SMARCA4: variants seen among roughly 807,000 people sequenced by gnomAD.
SMARCA4 encodes SWI/SNF-related matrix-associated actin-dependent regulator of chromatin subfamily A member 4.
SMARCA4 carries 31 observed loss-of-function variants against 193.9 expected under a neutral mutation model. The observed-to-expected ratio is 0.16, with a 90% CI of 0.12 to 0.22. SMARCA4 has a LOEUF of 0.22. SMARCA4 is among the 10% of genes least tolerant of loss of function. SMARCA4 has a pLI of 1.00. For synonymous variants in SMARCA4, 942 were observed against 933.1 expected, an observed-to-expected ratio of 1.01 and a Z score of -0.17; for missense variants, 1,148 against 2,296.0, an observed-to-expected ratio of 0.50 and a Z score of 10.22.
chr19:11,045,871 C>G (rs1431554477), intron 30 of SMARCA4, among the ~76,000 whole-genome samples: 2 of 151,958 alleles, frequency 1.3e-5, no homozygotes. Context: ...TCACTTGAGC[C>G]CAGGAGTTCA....
rs762320861 is a variant in SMARCA4 at position 11,026,363 on chromosome 19, C to T, written c.3215+17C>T. On this transcript the variant is annotated intron_variant, in intron 23 of 34. Transcript: ENST00000344626. Reference sequence around the variant, plus strand: ...TGTCCAAGGGTGAGAAGCTTCCCAACTGGATGGGGTGGGCAGGTGGTCCAC... The same window carrying T: ...TGTCCAAGGGTGAGAAGCTTCCCAATTGGATGGGGTGGGCAGGTGGTCCAC... The T allele has an allele frequency of 6.2e-7, 1 of 1,610,344 alleles. No individual in the cohort carries two copies. The highest frequency in any genetic ancestry group is 8.5e-7 in the Non-Finnish European group (1 of 1,176,680).
At chr19:11,022,064 GT>G in intron 19 of SMARCA4, 97 bp downstream of exon 19, 1 of 1,561,312 alleles carries the variant, frequency 6.4e-7, no homozygotes, top group Non-Finnish European at 8.8e-7. Flanking sequence ...GGCTGGGCCT[GT>G]GCTGGGTGCC....
chr19:10,992,113 CTTTT>C (rs545950698), intron 8 of SMARCA4, among the ~76,000 whole-genome samples: 1 of 142,114 alleles, frequency 7.0e-6, no homozygotes, highest in Non-Finnish European at 1.5e-5. Context: ...TCTCTGTTAA[CTTTT>C]TTTTTTTTTT....
At chr19:10,970,465 G>C (rs766098740) in intron 1 of SMARCA4, among the ~76,000 whole-genome samples, 21 of 152,202 alleles carry the variant, frequency 1.4e-4, no homozygotes, top group Non-Finnish European at 2.9e-4. Flanking sequence ...TCTCACCCAG[G>C]CTGGAGTGCA....
intron 29 of SMARCA4, chr19:11,039,372 C>A (rs999293948): frequency 1.4e-6 from 1 of 701,796 alleles, no homozygotes; most frequent in Non-Finnish European, 2.4e-6. Context: ...AGGGAAATGA[C>A]CTAAATGCCC....
intron 1 of SMARCA4, among the ~76,000 whole-genome samples, chr19:10,972,739 G>A (rs920781549): frequency 2.0e-5 from 3 of 152,192 alleles, no homozygotes; most frequent in African/African-American, 7.2e-5. Flanking sequence ...CACGCTCAGT[G>A]TTGCGTATAT....
chr19:11,060,023 T>A (rs774270771), intron 33 of SMARCA4, 22 bp from the exon 34 acceptor site: 1 of 1,587,408 alleles, frequency 6.3e-7, no homozygotes, highest in African/African-American at 1.3e-5. Flanking sequence ...CAAGGCTGTC[T>A]TTCCCTCCCG....
chr19:10,962,532 G>T (rs1482854634), intron 1 of SMARCA4, among the ~76,000 whole-genome samples: 1 of 152,060 alleles, frequency 6.6e-6, no homozygotes, highest in African/African-American at 2.4e-5. Flanking sequence ...TCAAAATCAG[G>T]GAGGGTGTGT....
In SMARCA4 at chr19:11,038,992, G is replaced by C. The variant is rs936427508; in HGVS notation, c.4171-2315G>C. On this transcript the variant is annotated intron_variant, in intron 29 of 34. Coordinates refer to ENST00000344626, the MANE Select transcript of SMARCA4 (RefSeq NM_003072.5). ...TCCCAGCACTTGGAGAAGCCAAAGC[G>C]GGGGGATCATTTCAGCTCAGGAGTT... Among the ~76,000 whole-genome samples the C allele has an allele frequency of 3.3e-5, 5 of 152,172 alleles. No individual in the cohort carries two copies. The South Asian group carries it at 1.0e-3, about 32-fold the overall frequency.
At chr19:11,046,439 C>G (rs573295679) in intron 30 of SMARCA4, among the ~76,000 whole-genome samples, 3 of 152,280 alleles carry the variant, frequency 2.0e-5, no homozygotes, top group Non-Finnish European at 2.9e-5. Context: ...TTCAATTTAA[C>G]CTCACATCTT....
At chr19:11,060,220 C>T (rs1392870137) in intron 34 of SMARCA4, 33 bp downstream of exon 34, 14 of 1,549,630 alleles carry the variant, frequency 9.0e-6, no homozygotes, top group Non-Finnish European at 1.2e-5. Flanking sequence ...GCAGAGCTGG[C>T]ATGTGGCAGG....
intron 1 of SMARCA4, chr19:10,965,445 G>T (rs1362665522): frequency 1.3e-5 from 2 of 152,252 alleles, no homozygotes; most frequent in African/African-American, 4.8e-5. Flanking sequence ...GGATGACACA[G>T]ATAATATACT....
At chr19:11,060,295 G>A (rs2147131792) in intron 34 of SMARCA4, 108 bp downstream of exon 34, 1 of 1,380,882 alleles carries the variant, frequency 7.2e-7, no homozygotes, top group South Asian at 1.3e-5. Context: ...CACGCTGCAG[G>A]TGGGAAAGCT....
intron 30 of SMARCA4, among the ~76,000 whole-genome samples, chr19:11,053,701 G>A (rs2076390239): frequency 6.6e-6 from 1 of 151,528 alleles, no homozygotes; most frequent in Non-Finnish European, 1.5e-5. Context: ...CTTGAGCCCA[G>A]GAGTTTGAGA....
chr19:10,972,780 G>T (rs2084782869), intron 1 of SMARCA4, among the ~76,000 whole-genome samples: 2 of 152,196 alleles, frequency 1.3e-5, no homozygotes, highest in South Asian at 4.1e-4. Context: ...CGGTGGTGGC[G>T]CAGGACATCC....
intron 30 of SMARCA4, among the ~76,000 whole-genome samples, chr19:11,053,226 A>G (rs892733126): frequency 2.0e-5 from 3 of 152,050 alleles, no homozygotes; most frequent in South Asian, 2.1e-4. Context: ...GCTCATGCCT[A>G]TAATCCCAGC....
chr19:11,000,497 A>G (rs1369688561), intron 11 of SMARCA4, among the ~76,000 whole-genome samples: 1 of 152,124 alleles, frequency 6.6e-6, no homozygotes, highest in East Asian at 1.9e-4. Flanking sequence ...ACTGCATTCC[A>G]GCCTGGGGAG....
At position 11,034,347 on chromosome 19, in the gene SMARCA4, G is replaced by T. The variant is rs1289851647; in HGVS notation, c.3951+147G>T. ...ACAGTGCAGCCCACTCCCACCTCCA[G>T]ACTGACCCGTCTTCCACCCCCAGTC... On this transcript the variant is annotated intron_variant, in intron 28 of 34. Transcript: ENST00000344626. The surrounding 1 kb of genome is among the most constrained non-coding windows in gnomAD (Gnocchi z 7.0). The T allele has an allele frequency of 1.4e-6, 1 of 722,806 alleles. No individual in the cohort carries two copies. The highest frequency in any genetic ancestry group is 2.5e-6 in the Non-Finnish European group (1 of 401,256). 44.8% of individuals were successfully genotyped at this position (722,806 alleles called of 1,614,324 possible).
rs2145746123 is a variant in SMARCA4, at chr19:10,985,237, C to T, written c.223-36C>T. On this transcript the variant is annotated intron_variant, in intron 2 of 34. Transcript: ENST00000344626. This position sits in a 1 kb window ranked among gnomAD's most constrained non-coding sequence, Gnocchi z 4.5. ...AGCTGCGCTGCCACCTCACGTTCCA[C>T]ATGCTGACCCTGCCTTGCCATGGTC... 1 of 1,613,362 alleles carries T rather than the reference C, an allele frequency of 6.2e-7. No individual in the cohort carries two copies. Among genetic ancestry groups the T allele is most frequent in the Non-Finnish European group, 8.5e-7 (1 of 1,179,724 alleles).
Sources: allele counts gnomAD v4.1 joint callset (sites outside exome capture counted in the v4.1 genomes callset), GRCh38; gene constraint gnomAD v4.1.1; non-coding constraint Gnocchi (gnomAD v3.1); transcripts MANE v1.5; gene names NCBI Gene and HGNC (gene_info 2026-07-23, HGNC 2026-07-21).